The following CAMTA1 variants were observed in gnomAD, a reference collection of about 807,000 sequenced individuals.
CAMTA1 encodes the protein calmodulin-binding transcription activator 1.
CAMTA1 carries 27 observed loss-of-function variants against 170.9 expected under a neutral mutation model. The ratio of observed to expected loss-of-function variants is 0.16; its 90% CI spans 0.12 to 0.22. The LOEUF (loss-of-function observed/expected upper bound fraction) is 0.22. Among genes scored for constraint, CAMTA1 ranks in the 10% least tolerant of loss-of-function variants. The pLI, the probability that CAMTA1 is intolerant of heterozygous loss-of-function variation, is 1.00. For synonymous variants in CAMTA1, 833 were observed against 891.5 expected (o/e 0.93, Z 1.17); for missense variants, 1,619 against 2,217.2 (o/e 0.73, Z 5.42).
intron 3 of CAMTA1, among the ~76,000 whole-genome samples, chr1:7,032,457 A>G (rs139898215): frequency 3.0e-4 from 45 of 152,336 alleles, no homozygotes; most frequent in African/African-American, 1.0e-3. Context: ...ATAGTATAAG[A>G]ACCTTATTAT....
chr1:6,812,642 A>G (rs761226962), intron 1 of CAMTA1, among the ~76,000 whole-genome samples: 7 of 152,200 alleles, frequency 4.6e-5, no homozygotes, highest in Non-Finnish European at 1.0e-4. Flanking sequence ...GACTTTGAGT[A>G]TACTGGCTTC....
chr1:7,374,646 G>C (rs778238192), intron 5 of CAMTA1, among the ~76,000 whole-genome samples: 4 of 152,248 alleles, frequency 2.6e-5, no homozygotes, highest in Non-Finnish European at 5.9e-5. Context: ...TTTACAAGGA[G>C]CCAAATATAA....
chr1:6,831,106 T>TCGCG (rs1342526192), intron 3 of CAMTA1, among the ~76,000 whole-genome samples: 1 of 152,096 alleles, frequency 6.6e-6, no homozygotes, highest in African/African-American at 2.4e-5. Context: ...ACGTGAGCCA[T>TCGCG]CGCGCCCGGC....
intron 5 of CAMTA1, among the ~76,000 whole-genome samples, chr1:7,466,944 G>A (rs1404275202): frequency 6.6e-6 from 1 of 152,046 alleles, no homozygotes; most frequent in Admixed American, 6.5e-5. Flanking sequence ...CTGATCAATG[G>A]TTCTCCTTAG....
At chr1:7,368,453 C>T (rs561792948) in intron 5 of CAMTA1, among the ~76,000 whole-genome samples, 1 of 152,224 alleles carries the variant, frequency 6.6e-6, no homozygotes, top group South Asian at 2.1e-4. Flanking sequence ...TGGGCGCAGG[C>T]ACTGGGCACT....
Position 6,918,067 on chromosome 1 carries a change from C to G in CAMTA1, c.234+92857C>G, listed in dbSNP as rs554128599. 6.6e-6 allele frequency among the ~76,000 whole-genome samples: 1 copy of G among 152,168 alleles called. No homozygotes were observed. The highest frequency in any genetic ancestry group is 2.1e-4 in the South Asian group (1 of 4,816). On this transcript the variant is annotated intron_variant, in intron 3 of 22. Coordinates refer to ENST00000303635, the MANE Select transcript of CAMTA1 (RefSeq NM_015215.4). The surrounding 1 kb of genome is among the most constrained non-coding windows in gnomAD (Gnocchi z 4.0). Reference sequence around the variant, plus strand: ...GGCCCCAAATGCCCAAGTTCTTGGGCCTTGCTTGCTTGTCTCTAACTTTCC... The same window carrying G: ...GGCCCCAAATGCCCAAGTTCTTGGGGCTTGCTTGCTTGTCTCTAACTTTCC...
intron 6 of CAMTA1, among the ~76,000 whole-genome samples, chr1:7,590,815 G>A (rs900670763): frequency 2.6e-5 from 4 of 152,244 alleles, no homozygotes; most frequent in Non-Finnish European, 4.4e-5. Context: ...AGAGAGGGGA[G>A]TTTCCCCAGA....
intron 5 of CAMTA1, among the ~76,000 whole-genome samples, chr1:7,277,120 T>C (rs1670836585): frequency 1.3e-5 from 2 of 152,206 alleles, no homozygotes; most frequent in Non-Finnish European, 2.9e-5. Flanking sequence ...GACTCAGTGT[T>C]GTTAAGATGG....
rs530117749 is a variant in CAMTA1 at position 7,299,022 on chromosome 1, A to G, written c.438+49396A>G. On this transcript the variant is annotated intron_variant, in intron 5 of 22. Transcript: ENST00000303635. This position sits in a 1 kb window ranked among gnomAD's most constrained non-coding sequence, Gnocchi z 4.7. ...ACTAAGGGGCCAAGATGATGAAGTCAGATGTCCTGAGTTTGCATCTTGCCT... is the reference window on the plus strand; with the variant it reads ...ACTAAGGGGCCAAGATGATGAAGTCGGATGTCCTGAGTTTGCATCTTGCCT... Among the ~76,000 whole-genome samples, 20 of 152,358 alleles carry G rather than the reference A, an allele frequency of 1.3e-4. No homozygotes were observed. The South Asian group carries it at 3.9e-3, about 30-fold the overall frequency.
chr1:7,139,270 TATAA>T (rs1645750288), intron 4 of CAMTA1, among the ~76,000 whole-genome samples: 1 of 144,064 alleles, frequency 6.9e-6, no homozygotes, highest in South Asian at 2.1e-4. Flanking sequence ...ATATTCATAA[TATAA>T]ATATATTTAT....
intron 11 of CAMTA1, among the ~76,000 whole-genome samples, chr1:7,706,370 C>T (rs892828379): frequency 6.6e-6 from 1 of 152,176 alleles, no homozygotes; most frequent in Non-Finnish European, 1.5e-5. Flanking sequence ...CAAGTTTTAT[C>T]GATAAAATGT....
At chr1:7,583,460 G>T (rs571846808) in intron 6 of CAMTA1, among the ~76,000 whole-genome samples, 1 of 152,128 alleles carries the variant, frequency 6.6e-6, no homozygotes, top group Non-Finnish European at 1.5e-5. Context: ...AGGAAGGTGT[G>T]ACTAACTGCT....
intron 5 of CAMTA1, among the ~76,000 whole-genome samples, chr1:7,384,459 T>C (rs4908629): frequency 0.92 from 139,791 of 152,262 alleles, 64,242 homozygotes; most frequent in East Asian, 1. Context: ...GTGTGATGAT[T>C]GATATGAGTC....
intron 3 of CAMTA1, among the ~76,000 whole-genome samples, chr1:6,967,727 A>T (rs975814301): frequency 6.6e-6 from 1 of 152,142 alleles, no homozygotes; most frequent in Non-Finnish European, 1.5e-5. Flanking sequence ...TGTGCATTTC[A>T]TAGATGGTGA....
chr1:7,073,911 G>C (rs1251342822), intron 3 of CAMTA1, among the ~76,000 whole-genome samples: 2 of 152,158 alleles, frequency 1.3e-5, no homozygotes, highest in African/African-American at 4.8e-5. Context: ...TCTATTTCCT[G>C]ATCTGTAAAA....
chr1:6,860,996 G>A (rs1385313585), intron 3 of CAMTA1, among the ~76,000 whole-genome samples: 3 of 136,202 alleles, frequency 2.2e-5, no homozygotes, highest in Non-Finnish European at 3.1e-5. Flanking sequence ...TCAGAGTCTT[G>A]CCCTGTCACC....
intron 5 of CAMTA1, among the ~76,000 whole-genome samples, chr1:7,461,771 T>C (rs574073743): frequency 1.7e-4 from 26 of 152,346 alleles, no homozygotes; most frequent in Middle Eastern, 3.4e-3. Flanking sequence ...GCAGACCAAC[T>C]AGAAGTTCTA....
chr1:7,643,936 A>T (rs1186045493), intron 7 of CAMTA1, among the ~76,000 whole-genome samples: 1 of 152,154 alleles, frequency 6.6e-6, no homozygotes, highest in African/African-American at 2.4e-5. Context: ...AGCCAAGAAG[A>T]CCTCAGATTT....
At chr1:7,582,927 C>T in intron 6 of CAMTA1, among the ~76,000 whole-genome samples, 1 of 151,940 alleles carries the variant, frequency 6.6e-6, no homozygotes, top group East Asian at 1.9e-4. Flanking sequence ...CCTGGCCCGT[C>T]CTCTCTCAGC....
Sources: allele counts gnomAD v4.1 joint callset (sites outside exome capture counted in the v4.1 genomes callset), GRCh38; gene constraint gnomAD v4.1.1; non-coding constraint Gnocchi (gnomAD v3.1); transcripts MANE v1.5; gene names NCBI Gene and HGNC (gene_info 2026-07-23, HGNC 2026-07-21).